WWOX: variants seen among roughly 807,000 people sequenced by gnomAD.
WWOX encodes the protein WW domain containing oxidoreductase.
Under a neutral mutation model 46.2 loss-of-function variants are expected in WWOX, and 69 were observed. The observed-to-expected ratio is 1.49, with a 90% confidence interval of 1.23 to 1.82. WWOX has a LOEUF of 1.82. Among genes scored for constraint, WWOX ranks in the 40% most tolerant of loss-of-function variants. The pLI is 0.00. For synonymous variants in WWOX, 359 were observed against 202.6 expected (o/e 1.77, Z -6.56); for missense variants, 919 against 542.6 (o/e 1.69, Z -6.89).
chr16:78,689,774 C>T (rs1466513281), intron 8 of WWOX, among the ~76,000 whole-genome samples: 1 of 152,186 alleles, frequency 6.6e-6, no homozygotes, highest in Non-Finnish European at 1.5e-5. Context: ...TCCCCTATTG[C>T]AACAGCCTTG....
chr16:78,655,703 T>C (rs887849982), intron 8 of WWOX, among the ~76,000 whole-genome samples: 2 of 152,196 alleles, frequency 1.3e-5, no homozygotes, highest in Non-Finnish European at 2.9e-5. Context: ...TGATTAATTA[T>C]TTACTATTTC....
At chr16:78,452,467 C>G (rs1261048904) in intron 8 of WWOX, among the ~76,000 whole-genome samples, 1 of 145,638 alleles carries the variant, frequency 6.9e-6, no homozygotes, top group Non-Finnish European at 1.5e-5. Context: ...ACTTTTTTCT[C>G]TCTCTCTCTT....
chr16:78,766,969 C>G (rs1397628078), intron 8 of WWOX, among the ~76,000 whole-genome samples: 2 of 152,064 alleles, frequency 1.3e-5, no homozygotes, highest in South Asian at 2.1e-4. Flanking sequence ...CTCTGGTAAC[C>G]CCTACTTTAC....
Position 78,592,412 on chromosome 16 carries a change from A to G in WWOX, c.1056+159660A>G, listed in dbSNP as rs1373398808. On this transcript the variant is annotated intron_variant, in intron 8 of 8. Transcript: ENST00000566780. ...GAAGTTCCTGTATTAAATTACAACC[A>G]TAAGAACATACACAAGCATGCAGAT... 5.3e-5 allele frequency among the ~76,000 whole-genome samples: 8 copies of G among 152,326 alleles called. No individual in the cohort carries two copies. The South Asian group carries it at 1.0e-3, about 20-fold the overall frequency.
intron 8 of WWOX, among the ~76,000 whole-genome samples, chr16:78,686,404 G>A (rs985366457): frequency 1.3e-5 from 2 of 152,092 alleles, no homozygotes; most frequent in Admixed American, 6.6e-5. Flanking sequence ...CCAGCTAGTC[G>A]GGAGGCCGAG....
In WWOX at chr16:78,545,372, A is replaced by G. The variant is rs568407077; in HGVS notation, c.1056+112620A>G. 7.3e-5 allele frequency among the ~76,000 whole-genome samples: 11 copies of G among 150,994 alleles called. No individual in the cohort carries two copies. In the East Asian group the frequency reaches 1.2e-3, roughly 16 times the overall value. On this transcript the variant is annotated intron_variant, in intron 8 of 8. Coordinates refer to ENST00000566780, the MANE Select transcript of WWOX (RefSeq NM_016373.4). ...ATATTGAGATGGTTCCTTTTAATCC[A>G]TTTCTTTTAAAAAAAAAATTCTTTT...
chr16:79,063,692 C>T lies in WWOX; in HGVS notation c.1057-147916C>T, dbSNP rs558417869. The stretch of plus-strand genomic sequence containing the variant: ...CTCTTTTGGATTGACGTGCCAGCAC[C>T]TCAAGAAACCTCTGTGAAAAATCCA... On this transcript the variant is annotated intron_variant, in intron 8 of 8. Coordinates refer to ENST00000566780, the MANE Select transcript of WWOX (RefSeq NM_016373.4). 7.9e-5 allele frequency among the ~76,000 whole-genome samples: 12 copies of T among 152,222 alleles called. 1 individual carries two copies. The highest frequency in any genetic ancestry group is 2.9e-4 in the African/African-American group (12 of 41,540).
chr16:78,267,833 G>A (rs1461522241), intron 5 of WWOX, among the ~76,000 whole-genome samples: 1 of 151,688 alleles, frequency 6.6e-6, no homozygotes, highest in African/African-American at 2.4e-5. Context: ...TCTGCCTGCC[G>A]GGTTCAAGTG....
chr16:78,877,459 G>C (rs2044257444), intron 8 of WWOX, among the ~76,000 whole-genome samples: 1 of 152,130 alleles, frequency 6.6e-6, no homozygotes, highest in Non-Finnish European at 1.5e-5. Flanking sequence ...TTCTCCAAAA[G>C]GCTTTGCTCA....
chr16:78,435,605 G>T (rs1180782095), intron 8 of WWOX, among the ~76,000 whole-genome samples: 1 of 152,104 alleles, frequency 6.6e-6, no homozygotes, highest in Non-Finnish European at 1.5e-5. Flanking sequence ...CTGTGGAGGG[G>T]CACTCATAGA....
chr16:78,872,168 G>A (rs1787310532), intron 8 of WWOX, among the ~76,000 whole-genome samples: 2 of 152,166 alleles, frequency 1.3e-5, no homozygotes, highest in Admixed American at 6.5e-5. Flanking sequence ...TTTTAGAGAC[G>A]ATGTCTAACA....
intron 8 of WWOX, among the ~76,000 whole-genome samples, chr16:79,005,144 C>A (rs57254180): frequency 0.078 from 11,849 of 152,116 alleles, 684 homozygotes; most frequent in East Asian, 0.26. Flanking sequence ...TTCTGTCTGG[C>A]CTTTCTCTTT....
At chr16:79,004,466 C>G (rs1276595364) in intron 8 of WWOX, 1 of 152,256 alleles carries the variant, frequency 6.6e-6, no homozygotes, top group Admixed American at 6.5e-5. Context: ...AGAGGCAGAC[C>G]CTGTTGGTGT....
At chr16:78,412,820 CTGAA>C (rs2082713678) in intron 6 of WWOX, among the ~76,000 whole-genome samples, 1 of 152,140 alleles carries the variant, frequency 6.6e-6, no homozygotes, top group Non-Finnish European at 1.5e-5. Context: ...GGGAAGGAGA[CTGAA>C]TGGAGATGAA....
At chr16:78,323,878 G>C (rs1268272531) in intron 5 of WWOX, among the ~76,000 whole-genome samples, 1 of 152,140 alleles carries the variant, frequency 6.6e-6, no homozygotes, top group Non-Finnish European at 1.5e-5. Flanking sequence ...GGACTCAGAG[G>C]CCTGCTCAAG....
intron 8 of WWOX, among the ~76,000 whole-genome samples, chr16:79,208,062 T>G (rs2051578727): frequency 6.6e-6 from 1 of 152,212 alleles, no homozygotes; most frequent in African/African-American, 2.4e-5. Flanking sequence ...GCTGCAAATC[T>G]GACAGATGAT....
chr16:79,175,851 C>T (rs776228100), intron 8 of WWOX, among the ~76,000 whole-genome samples: 3 of 152,188 alleles, frequency 2.0e-5, no homozygotes, highest in Non-Finnish European at 4.4e-5. Flanking sequence ...GCTCCCCACT[C>T]CCCTAATTAC....
At chr16:78,120,508 T>G (rs1380532256) in intron 4 of WWOX, among the ~76,000 whole-genome samples, 1 of 150,684 alleles carries the variant, frequency 6.6e-6, no homozygotes, top group African/African-American at 2.4e-5. Context: ...AAGTGGAGCT[T>G]GCAGTGAGCT....
intron 8 of WWOX, among the ~76,000 whole-genome samples, chr16:78,445,213 C>T (rs2083532937): frequency 6.6e-6 from 1 of 152,132 alleles, no homozygotes; most frequent in South Asian, 2.1e-4. Context: ...TCAGCCTGTG[C>T]CTTTTTGTAA....
Sources: allele counts gnomAD v4.1 joint callset (sites outside exome capture counted in the v4.1 genomes callset), GRCh38; gene constraint gnomAD v4.1.1; transcripts MANE v1.5; gene names NCBI Gene and HGNC (gene_info 2026-07-23, HGNC 2026-07-21).